PXDNL: variants seen among roughly 807,000 people sequenced by gnomAD.
PXDNL encodes probable oxidoreductase PXDNL.
Under a neutral mutation model 150.8 loss-of-function variants are expected in PXDNL, and 145 were observed. The ratio of observed to expected loss-of-function variants is 0.96; its 90% CI spans 0.84 to 1.10. The LOEUF (loss-of-function observed/expected upper bound fraction) is 1.10, where lower values mean the gene tolerates loss of function less well. PXDNL is among the 50% of genes least tolerant of loss of function. The pLI, the probability that PXDNL is intolerant of heterozygous loss-of-function variation, is 0.00. For synonymous variants in PXDNL, 757 were observed against 725.7 expected (o/e 1.04, Z -0.69); for missense variants, 2,087 against 1,873.9 (o/e 1.11, Z -2.10).
At chr8:51,710,961 A>ATGCCCACTCC (rs1816484848) in intron 1 of PXDNL, among the ~76,000 whole-genome samples, 2 of 152,202 alleles carry the variant, frequency 1.3e-5, no homozygotes, top group African/African-American at 4.8e-5. Flanking sequence ...CAAGAACAAG[A>ATGCCCACTCC]TAAGAATGCC....
chr8:51,458,579 T>A (rs1170119561), intron 8 of PXDNL, among the ~76,000 whole-genome samples: 1 of 152,204 alleles, frequency 6.6e-6, no homozygotes, highest in East Asian at 1.9e-4. Flanking sequence ...TAAACACCGA[T>A]GTTTTGTCAC....
chr8:51,610,768 G>A (rs938430394), intron 2 of PXDNL, among the ~76,000 whole-genome samples: 3 of 152,110 alleles, frequency 2.0e-5, no homozygotes, highest in Admixed American at 2.0e-4. Flanking sequence ...TTTGCAGCTG[G>A]AGAACTGCAG....
At chr8:51,606,690 T>C (rs1437003007) in intron 2 of PXDNL, among the ~76,000 whole-genome samples, 2 of 152,068 alleles carry the variant, frequency 1.3e-5, no homozygotes, top group African/African-American at 4.8e-5. Flanking sequence ...CTGGGTAAAA[T>C]TGATTTTTAT....
At chr8:51,401,844 T>C (rs900569381) in intron 17 of PXDNL, among the ~76,000 whole-genome samples, 2 of 152,192 alleles carry the variant, frequency 1.3e-5, no homozygotes, top group African/African-American at 4.8e-5. Flanking sequence ...AATCACTGTT[T>C]TACAGCAATT....
At chr8:51,355,348 A>G (rs1479626925) in intron 19 of PXDNL, among the ~76,000 whole-genome samples, 1 of 152,214 alleles carries the variant, frequency 6.6e-6, no homozygotes, top group Non-Finnish European at 1.5e-5. Context: ...TGTACATAAA[A>G]TATACTGTAT....
intron 9 of PXDNL, 67 bp from the exon 10 acceptor site, chr8:51,453,852 A>G: frequency 2.0e-6 from 3 of 1,530,328 alleles, no homozygotes; most frequent in Non-Finnish European, 2.6e-6. Context: ...TTTATTCTGC[A>G]TTGTGGTTTT....
In PXDNL at chr8:51,408,923, C is replaced by G. The variant is rs767934672; in HGVS notation, c.2701G>C (p.Gly901Arg). 1.2e-5 allele frequency: 20 copies of G among 1,611,882 alleles called. No homozygotes were observed. The highest frequency in any genetic ancestry group is 1.6e-5 in the Non-Finnish European group (19 of 1,179,370). Reference sequence around the variant, plus strand: ...GCCTGGGATTCCCGCTCCGAGCTCCCGTAAACGTTGGAGCCATCGATGTAG... The same window carrying G: ...GCCTGGGATTCCCGCTCCGAGCTCCGGTAAACGTTGGAGCCATCGATGTAG... ...TAYIDGSNVYGSSERESQALR... is the reference protein window; with the variant it reads ...TAYIDGSNVYRSSERESQALR... The change falls in exon 17 of 23, where the codon GGG (glycine) becomes CGG (arginine). Residue 901 changes from glycine (G) to arginine (R), a missense_variant. Coordinates refer to ENST00000356297, the MANE Select transcript of PXDNL (RefSeq NM_144651.5).
intron 4 of PXDNL, among the ~76,000 whole-genome samples, chr8:51,523,340 G>T (rs1811700695): frequency 6.6e-6 from 1 of 152,020 alleles, no homozygotes; most frequent in Non-Finnish European, 1.5e-5. Context: ...AACTACATTT[G>T]GAAAATAAAA....
intron 19 of PXDNL, among the ~76,000 whole-genome samples, chr8:51,356,852 T>G (rs1806525656): frequency 6.6e-6 from 1 of 152,220 alleles, no homozygotes; most frequent in African/African-American, 2.4e-5. Context: ...GGAGCTCTCT[T>G]GGTTCCTTAT....
At chr8:51,471,139 C>CAAAAAAAAAAAAAAAAAAAAAAA (rs5891416) in intron 8 of PXDNL, among the ~76,000 whole-genome samples, 2 of 113,020 alleles carry the variant, frequency 1.8e-5, no homozygotes, top group Non-Finnish European at 3.7e-5. Flanking sequence ...AACAAATTTA[C>CAAAAAAAAAAAAAAAAAAAAAAA]AAAAAAAAAA....
chr8:51,361,962 A>G lies in PXDNL; in HGVS notation c.3901+9911T>C, dbSNP rs529440183. Among the ~76,000 whole-genome samples the G allele has an allele frequency of 8.9e-3, 1,322 of 148,444 alleles. 12 individuals are homozygous for G. Among genetic ancestry groups the G allele is most frequent in the South Asian group, 0.02 (95 of 4,696 alleles). ...CAAAAAAAAAAAAAAAAAAAAAAAA[A>G]AAAGAAAAGAAAAGAAAAAGAAAAT... On this transcript the variant is annotated intron_variant, in intron 19 of 22. Transcript: ENST00000356297.
chr8:51,455,261 T>C (rs1463007916), intron 9 of PXDNL, among the ~76,000 whole-genome samples: 1 of 151,802 alleles, frequency 6.6e-6, no homozygotes, highest in Non-Finnish European at 1.5e-5. Flanking sequence ...TTTAGAGAAT[T>C]GTGGAAGAAG....
intron 1 of PXDNL, among the ~76,000 whole-genome samples, chr8:51,664,378 C>A (rs1815336810): frequency 6.6e-6 from 1 of 152,132 alleles, no homozygotes; most frequent in Non-Finnish European, 1.5e-5. Context: ...AATGAATTAA[C>A]ATAATTCACA....
rs189922203 is a variant in PXDNL at position 51,600,565 on chromosome 8, C to A, written c.237-7867G>T. 5.4e-5 allele frequency among the ~76,000 whole-genome samples: 6 copies of A among 111,218 alleles called. 2 individuals are homozygous for A. The highest frequency in any genetic ancestry group is 2.0e-4 in the African/African-American group (6 of 30,482). The allele number at this position is 111,218 out of a possible 152,430, so 73.0% of individuals were successfully genotyped here. A position where few individuals can be genotyped will look rare whatever the true frequency, so the allele number is the denominator to read the frequency against. ...AAATTATATCTTATATAAATTATAT[C>A]GTTTAGATAATAAATTATATCTTAT... On this transcript the variant is annotated intron_variant, in intron 2 of 22. Coordinates refer to ENST00000356297, the MANE Select transcript of PXDNL (RefSeq NM_144651.5).
At chr8:51,578,007 A>AAAGAAAG (rs1813118215) in intron 3 of PXDNL, among the ~76,000 whole-genome samples, 1 of 87,932 alleles carries the variant, frequency 1.1e-5, no homozygotes, top group African/African-American at 7.0e-5. Flanking sequence ...AAGAGGAAGG[A>AAAGAAAG]AGGAAGGAAG....
At chr8:51,602,760 C>T (rs774197691) in intron 2 of PXDNL, among the ~76,000 whole-genome samples, 28 of 151,362 alleles carry the variant, frequency 1.8e-4, no homozygotes, top group Admixed American at 5.3e-4. Flanking sequence ...AAAAATTAAA[C>T]GTTTGTTTAT....
intron 1 of PXDNL, among the ~76,000 whole-genome samples, chr8:51,746,824 TG>T (rs1360254014): frequency 1.3e-5 from 2 of 152,140 alleles, no homozygotes; most frequent in Admixed American, 6.5e-5. Flanking sequence ...CTGGCTCAGG[TG>T]ATTCTCCCAC....
At chr8:51,400,748 T>C (rs1808224069) in intron 17 of PXDNL, among the ~76,000 whole-genome samples, 2 of 152,228 alleles carry the variant, frequency 1.3e-5, no homozygotes, top group Admixed American at 6.5e-5. Flanking sequence ...GTTAAGGTCA[T>C]GTAAGAATCA....
chr8:51,533,778 C>G (rs1461448233), intron 4 of PXDNL, among the ~76,000 whole-genome samples: 32 of 150,004 alleles, frequency 2.1e-4, no homozygotes, highest in African/African-American at 8.0e-4. Context: ...GAGTCTCGTT[C>G]ACTCAGTGCT....
Sources: allele counts gnomAD v4.1 joint callset (sites outside exome capture counted in the v4.1 genomes callset), GRCh38; gene constraint gnomAD v4.1.1; transcripts MANE v1.5; gene names NCBI Gene and HGNC (gene_info 2026-07-23, HGNC 2026-07-21).